Variants in GPHN observed in about 807,000 individuals in gnomAD.
The protein encoded by GPHN is gephyrin.
A neutral mutation model predicts 95.5 loss-of-function variants in GPHN; 17 were observed. That is an observed-to-expected ratio of 0.18 (90% CI 0.12 to 0.27). The LOEUF (loss-of-function observed/expected upper bound fraction) is 0.27, where lower values mean the gene tolerates loss of function less well. Ranked by LOEUF, GPHN falls within the 10% of genes least tolerant of loss-of-function variation. GPHN has a pLI of 1.00. For missense variants in GPHN, 660 were observed against 978.1 expected (o/e 0.67, Z 4.34); for synonymous variants, 320 against 322.5 (o/e 0.99, Z 0.08).
intron 3 of GPHN, among the ~76,000 whole-genome samples, chr14:66,785,744 A>C (rs2059752170): frequency 6.6e-6 from 1 of 151,884 alleles, no homozygotes; most frequent in Non-Finnish European, 1.5e-5. Flanking sequence ...AAAAAAAAAA[A>C]ACAGAAAAAT....
intron 3 of GPHN, among the ~76,000 whole-genome samples, chr14:66,789,102 A>G (rs1171120120): frequency 6.6e-6 from 1 of 152,202 alleles, no homozygotes; most frequent in Non-Finnish European, 1.5e-5. Context: ...AATTTATGGA[A>G]AAACTGAATA....
chr14:67,475,970 G>T, the GPHN span, among the ~76,000 whole-genome samples: 1 of 152,350 alleles, frequency 6.6e-6, no homozygotes, highest in East Asian at 1.9e-4. Flanking sequence ...GGCCCGTCCT[G>T]GGCAGGCCCT....
chr14:67,101,178 T>C (rs558760543), intron 13 of GPHN, among the ~76,000 whole-genome samples: 1 of 151,726 alleles, frequency 6.6e-6, no homozygotes, highest in African/African-American at 2.4e-5. Context: ...GATTGGGTGA[T>C]TCTTTTTTTC....
intron 10 of GPHN, among the ~76,000 whole-genome samples, chr14:67,043,640 T>C (rs1484514820): frequency 3.3e-5 from 5 of 152,212 alleles, no homozygotes; most frequent in African/African-American, 4.8e-5. Flanking sequence ...CAGTATTATA[T>C]TGAGAATTTT....
chr14:67,111,635 G>C (rs1177839797), intron 14 of GPHN, among the ~76,000 whole-genome samples: 1 of 151,904 alleles, frequency 6.6e-6, no homozygotes, highest in Non-Finnish European at 1.5e-5. Flanking sequence ...TTTTTTAAAA[G>C]CATAAAAATT....
chr14:67,058,985 C>G (rs1233636491), intron 11 of GPHN, 199 bp downstream of exon 11: 4 of 480,442 alleles, frequency 8.3e-6, no homozygotes, highest in African/African-American at 2.1e-5. Context: ...AGAGTAAAAT[C>G]CATGAAACTG....
At chr14:66,916,578 C>T (rs577620520) in intron 6 of GPHN, among the ~76,000 whole-genome samples, 102 of 143,088 alleles carry the variant, frequency 7.1e-4, no homozygotes, top group Non-Finnish European at 1.0e-3. Context: ...TAGTCTTTAG[C>T]GCTTCCCAGA....
At chr14:67,201,586 C>T in the GPHN span, 2 of 453,868 alleles carry the variant, frequency 4.4e-6, no homozygotes. Flanking sequence ...TGGTCACATG[C>T]CACTGCTGAA....
intron 5 of GPHN, among the ~76,000 whole-genome samples, chr14:66,894,199 A>G (rs112459176): frequency 5.2e-4 from 79 of 152,286 alleles, no homozygotes; most frequent in African/African-American, 1.6e-3. Context: ...GCCCTCAGAA[A>G]TAATACCACA....
At chr14:66,972,820 T>A (rs1169477604) in intron 9 of GPHN, among the ~76,000 whole-genome samples, 1 of 152,130 alleles carries the variant, frequency 6.6e-6, no homozygotes, top group Non-Finnish European at 1.5e-5. Flanking sequence ...CTAGCTTTTT[T>A]AAAAAGAAAA....
At chr14:67,729,868 C>T in the GPHN span, 1 of 453,678 alleles carries the variant, frequency 2.2e-6, no homozygotes, top group African/African-American at 2.0e-5. Flanking sequence ...TTATCATGAA[C>T]TCAATGAGCA....
At chr14:66,778,293 A>G (rs549686378) in intron 3 of GPHN, among the ~76,000 whole-genome samples, 7 of 152,204 alleles carry the variant, frequency 4.6e-5, no homozygotes, top group Non-Finnish European at 1.0e-4. Flanking sequence ...CTTCAAGGAG[A>G]ACTACAAACC....
At chr14:67,350,673 G>A in the GPHN span, 8 of 1,613,042 alleles carry the variant, frequency 5.0e-6, no homozygotes, top group South Asian at 2.2e-5. Flanking sequence ...TCATCACTTC[G>A]CCCATCAACA....
At position 67,070,694 on chromosome 14, in the gene GPHN, C is replaced by CAA. The variant is rs34577444; in HGVS notation, c.1144+11929_1144+11930dup. 1.2e-3 allele frequency among the ~76,000 whole-genome samples: 79 copies of CAA among 64,072 alleles called. 1 individual carries two copies. Among genetic ancestry groups the CAA allele is most frequent in the Non-Finnish European group, 1.5e-3 (64 of 41,874 alleles). 42.0% of individuals were successfully genotyped at this position (64,072 alleles called of 152,430 possible). ...CTAGTGACAGAGTGAGACTTCATCT[C>CAA]AAAAAAAAAAAAAAAAAAAAAATAT... On this transcript the variant is annotated intron_variant, in intron 11 of 22. Coordinates refer to ENST00000478722, the MANE Select transcript of GPHN (RefSeq NM_020806.5).
intron 6 of GPHN, among the ~76,000 whole-genome samples, chr14:66,920,395 A>G (rs1450596716): frequency 6.6e-6 from 1 of 152,046 alleles, no homozygotes; most frequent in Non-Finnish European, 1.5e-5. Flanking sequence ...CCTGGCTGGA[A>G]TGCAGTTACA....
the GPHN span, among the ~76,000 whole-genome samples, chr14:67,612,719 T>C: frequency 8.5e-5 from 13 of 152,096 alleles, no homozygotes; most frequent in African/African-American, 3.1e-4. Flanking sequence ...GGCAGATAAC[T>C]GGAGGCCAGG....
intron 2 of GPHN, among the ~76,000 whole-genome samples, chr14:66,749,816 TGCCTTTTACAAA>T (rs891158304): frequency 1.3e-5 from 2 of 151,880 alleles, no homozygotes; most frequent in African/African-American, 4.8e-5. Context: ...CCCTTCACAG[TGCCTTTTACAAA>T]GCAGGGTTTT....
At chr14:67,123,796 A>C (rs1473187663) in intron 17 of GPHN, among the ~76,000 whole-genome samples, 2 of 152,052 alleles carry the variant, frequency 1.3e-5, no homozygotes, top group Non-Finnish European at 2.9e-5. Flanking sequence ...AAACATTATG[A>C]GATTTTTTTG....
At chr14:67,575,418 C>T in the GPHN span, 1 of 1,609,800 alleles carries the variant, frequency 6.2e-7, no homozygotes, top group South Asian at 1.1e-5. Context: ...CCAAGGTGGT[C>T]TGGTGCGCTC....
Sources: gnomAD v4.1 joint callset for allele counts (sites outside exome capture counted in the v4.1 genomes callset) on GRCh38, gnomAD v4.1.1 for gene constraint, MANE v1.5 for transcripts, NCBI Gene and HGNC (gene_info 2026-07-23, HGNC 2026-07-21) for gene names.